The following ASRGL1 variants were observed in gnomAD, a reference collection of about 807,000 sequenced individuals.
ASRGL1 encodes the protein isoaspartyl peptidase/L-asparaginase.
Under a neutral mutation model 22.4 loss-of-function variants are expected in ASRGL1, and 16 were observed. The observed-to-expected ratio is 0.71, with a 90% CI of 0.48 to 1.08. The LOEUF (loss-of-function observed/expected upper bound fraction) is 1.08. Among genes scored for constraint, ASRGL1 ranks in the 50% least tolerant of loss-of-function variants. ASRGL1 has a pLI of 0.00. For synonymous variants in ASRGL1, 165 were observed against 159.3 expected, an observed-to-expected ratio of 1.04 and a Z score of -0.27; for missense variants, 412 against 410.1, an observed-to-expected ratio of 1.00 and a Z score of -0.04.
chr11:62,368,278 A>G, intron 4 of ASRGL1, among the ~76,000 whole-genome samples: 1 of 152,178 alleles, frequency 6.6e-6, no homozygotes, highest in Admixed American at 6.5e-5. Context: ...GGTCAGTGCT[A>G]GCTGAGGTTT....
chr11:62,365,050 C>T (rs1453613487), intron 4 of ASRGL1, among the ~76,000 whole-genome samples: 4 of 141,414 alleles, frequency 2.8e-5, no homozygotes, highest in South Asian at 2.2e-4. Context: ...GCCTGGGTGA[C>T]AAGCAAAACT....
At chr11:62,389,292 C>T in intron 5 of ASRGL1, 41 bp downstream of exon 5, 1 of 1,543,098 alleles carries the variant, frequency 6.5e-7, no homozygotes, top group Non-Finnish European at 9.0e-7. Flanking sequence ...CCCTCTTCTC[C>T]CGCCCTCAGG....
intron 4 of ASRGL1, chr11:62,371,153 C>A: frequency 8.8e-7 from 1 of 1,136,894 alleles, no homozygotes; most frequent in Non-Finnish European, 1.2e-6. Flanking sequence ...AAGAAGGCGG[C>A]GGTGGCGGCC....
At chr11:62,343,741 A>G (rs1945933310) in intron 2 of ASRGL1, among the ~76,000 whole-genome samples, 1 of 151,418 alleles carries the variant, frequency 6.6e-6, no homozygotes, top group African/African-American at 2.4e-5. Context: ...AAAAAAAAAA[A>G]AAAAAAAAAA....
chr11:62,362,656 A>T lies in ASRGL1; in HGVS notation c.491+5512A>T, dbSNP rs1235639889. Among the ~76,000 whole-genome samples, 28 of 95,000 alleles carry T rather than the reference A, an allele frequency of 2.9e-4. 4 individuals are homozygous for T. Among genetic ancestry groups the T allele is most frequent in the African/African-American group, 1.1e-3 (24 of 22,694 alleles). The allele number at this position is 95,000 out of a possible 152,430, so 62.3% of individuals were successfully genotyped here. A position where few individuals can be genotyped will look rare whatever the true frequency, so the allele number is the denominator to read the frequency against. ...ATATATATAATATATAATATATATTATATAAAATATATAATATATATTATA... is the reference window on the plus strand; with the variant it reads ...ATATATATAATATATAATATATATTTTATAAAATATATAATATATATTATA... On this transcript the variant is annotated intron_variant, in intron 4 of 6. Transcript: ENST00000415229.
chr11:62,398,508 A>G, the ASRGL1 span, among the ~76,000 whole-genome samples: 1 of 152,170 alleles, frequency 6.6e-6, no homozygotes, highest in Non-Finnish European at 1.5e-5. Flanking sequence ...ATAGAACCAC[A>G]TTCCCTGGCT....
At chr11:62,338,559 T>C (rs543837161) in intron 2 of ASRGL1, among the ~76,000 whole-genome samples, 2 of 152,218 alleles carry the variant, frequency 1.3e-5, no homozygotes, top group African/African-American at 4.8e-5. Flanking sequence ...TGATGAACAA[T>C]TGATTTAAAG....
At chr11:62,350,069 G>C (rs556805451) in intron 2 of ASRGL1, among the ~76,000 whole-genome samples, 1 of 152,222 alleles carries the variant, frequency 6.6e-6, no homozygotes, top group East Asian at 1.9e-4. Context: ...CTCATCCTGT[G>C]ACTTAGAATG....
intron 4 of ASRGL1, chr11:62,371,391 C>A: frequency 1.6e-6 from 1 of 615,284 alleles, no homozygotes; most frequent in South Asian, 2.1e-5. Flanking sequence ...CTGTGGTGGT[C>A]GCCGAACCCG....
chr11:62,351,732 G>A (rs1946171791), intron 2 of ASRGL1, among the ~76,000 whole-genome samples: 1 of 152,038 alleles, frequency 6.6e-6, no homozygotes, highest in Non-Finnish European at 1.5e-5. Context: ...GGAGTGCAGT[G>A]GCACAATCAG....
chr11:62,342,088 A>G (rs1236998298), intron 2 of ASRGL1, among the ~76,000 whole-genome samples: 3 of 152,232 alleles, frequency 2.0e-5, no homozygotes, highest in Non-Finnish European at 4.4e-5. Context: ...CATTTACCCT[A>G]CTGCTGTGTC....
intron 4 of ASRGL1, chr11:62,382,231 G>A (rs980485451): frequency 4.6e-5 from 7 of 151,870 alleles, no homozygotes; most frequent in African/African-American, 1.5e-4. Context: ...AAAAAAAGTG[G>A]GCCCAGGGGA....
chr11:62,352,589 A>G (rs143424541), intron 2 of ASRGL1, among the ~76,000 whole-genome samples: 30 of 152,314 alleles, frequency 2.0e-4, no homozygotes, highest in African/African-American at 6.7e-4. Flanking sequence ...GTCTAAAAAA[A>G]AGAAAAAGCA....
intron 4 of ASRGL1, among the ~76,000 whole-genome samples, chr11:62,374,074 G>A (rs1946849721): frequency 2.0e-5 from 3 of 152,140 alleles, no homozygotes; most frequent in African/African-American, 4.8e-5. Flanking sequence ...AGCCTCGATC[G>A]CCTTGTACTT....
intron 3 of ASRGL1, 52 bp from the exon 4 acceptor site, chr11:62,356,935 A>G (rs1226888527): frequency 6.5e-7 from 1 of 1,547,090 alleles, no homozygotes; most frequent in Non-Finnish European, 8.7e-7. Flanking sequence ...ACAGTTAAAA[A>G]GATTTAAAAT....
At position 62,346,968 on chromosome 11, in the gene ASRGL1, CAA is replaced by C. The variant is rs35854084; in HGVS notation, c.190+8815_190+8816del. On this transcript the variant is annotated intron_variant, in intron 2 of 6. Coordinates refer to ENST00000415229, the MANE Select transcript of ASRGL1 (RefSeq NM_001083926.2). ...CTGGGGCGACAGTGAGACTCCGTCTCAAAAAAAAAAAAAAAGAAAAATAACGT... is the reference window on the plus strand; with the variant it reads ...CTGGGGCGACAGTGAGACTCCGTCTCAAAAAAAAAAAAAGAAAAATAACGT... Among the ~76,000 whole-genome samples the C allele has an allele frequency of 3.6e-3, 481 of 133,632 alleles. 1 individual carries two copies. The highest frequency in any genetic ancestry group is 6.6e-3 in the Admixed American group (89 of 13,386). The allele number at this position is 133,632 out of a possible 152,430, so 87.7% of individuals were successfully genotyped here. A position where few individuals can be genotyped will look rare whatever the true frequency, so the allele number is the denominator to read the frequency against.
intron 4 of ASRGL1, among the ~76,000 whole-genome samples, chr11:62,368,853 A>G (rs953295326): frequency 6.6e-6 from 1 of 152,162 alleles, no homozygotes; most frequent in African/African-American, 2.4e-5. Context: ...TATTGCCACT[A>G]GCACATCTCA....
chr11:62,389,275 C>G, intron 5 of ASRGL1, 24 bp downstream of exon 5: 1 of 1,581,586 alleles, frequency 6.3e-7, no homozygotes. Flanking sequence ...ATGCCTCCTG[C>G]CCCTTCCCCT....
chr11:62,372,038 G>A, intron 4 of ASRGL1: 1 of 749,240 alleles, frequency 1.3e-6, no homozygotes, highest in South Asian at 1.4e-5. Context: ...CCATAGGTAT[G>A]GGTGCCTGGC....
Sources: gnomAD v4.1 joint callset for allele counts (sites outside exome capture counted in the v4.1 genomes callset) on GRCh38, gnomAD v4.1.1 for gene constraint, MANE v1.5 for transcripts, NCBI Gene and HGNC (gene_info 2026-07-23, HGNC 2026-07-21) for gene names.